Variants in WDR86 observed in about 807,000 individuals in gnomAD.
WDR86 encodes the protein WD repeat-containing protein 86.
WDR86 carries 30 observed loss-of-function variants against 36.5 expected under a neutral mutation model. The observed-to-expected ratio is 0.82, with a 90% CI of 0.61 to 1.11. WDR86 has a LOEUF of 1.11. WDR86 is among the 50% of genes most tolerant of loss of function. The pLI, the probability that WDR86 is intolerant of heterozygous loss-of-function variation, is 0.00. For missense variants in WDR86, 545 were observed against 561.2 expected (o/e 0.97, Z 0.29); for synonymous variants, 255 against 252.9 (o/e 1.01, Z -0.08).
chr7:151,395,228 A>C (rs1444802060), intron 3 of WDR86, among the ~76,000 whole-genome samples: 2 of 152,184 alleles, frequency 1.3e-5, no homozygotes, highest in African/African-American at 4.8e-5. Context: ...GCACAAAGAC[A>C]AACCAGGAAA....
intron 3 of WDR86, among the ~76,000 whole-genome samples, chr7:151,387,514 C>G (rs925517980): frequency 6.6e-6 from 1 of 152,110 alleles, no homozygotes. Context: ...CCCAGGGAGG[C>G]CTGAGCCAAG....
rs1198033807 is a variant in WDR86 at position 151,381,666 on chromosome 7, CG to C, written c.1046del (p.Pro349ArgfsTer103). Reference protein sequence around the residue: ...LWDVRGLRGAPRPPPPMRSLS... With the variant: ...LWDVRGLRGAXRPPPPMRSLS... ...GGCTGCGCATGGGCGGAGGGGGCCGCGGGGCACCTCGGAGCCCGCGCACGTC... is the reference window on the plus strand; with the variant it reads ...GGCTGCGCATGGGCGGAGGGGGCCGCGGGCACCTCGGAGCCCGCGCACGTC... On this transcript the variant is annotated frameshift_variant, in exon 6 of 6. Transcript: ENST00000334493. LOFTEE classifies it high-confidence loss of function. The surrounding 1 kb of genome is among the most constrained non-coding windows in gnomAD (Gnocchi z 4.8). The C allele has an allele frequency of 7.1e-7, 1 of 1,410,476 alleles. No individual in the cohort carries two copies. Among genetic ancestry groups the C allele is most frequent in the Non-Finnish European group, 9.1e-7 (1 of 1,093,232 alleles). 87.4% of individuals were successfully genotyped at this position (1,410,476 alleles called of 1,614,324 possible).
At position 151,401,719 on chromosome 7, in the gene WDR86, G is replaced by C. The variant is rs943930756; in HGVS notation, c.164-1478C>G. Reference sequence around the variant, plus strand: ...ATGTGACGAGGTAAAGACTTTGACTGGGGAGATTATCCTAGATTATCCGGG... The same window carrying C: ...ATGTGACGAGGTAAAGACTTTGACTCGGGAGATTATCCTAGATTATCCGGG... On this transcript the variant is annotated intron_variant, in intron 1 of 5. Transcript: ENST00000334493. The surrounding 1 kb of genome is among the most constrained non-coding windows in gnomAD (Gnocchi z 4.3). Among the ~76,000 whole-genome samples, 1 of 151,978 alleles carries C rather than the reference G, an allele frequency of 6.6e-6. No homozygotes were observed. The highest frequency in any genetic ancestry group is 2.4e-5 in the African/African-American group (1 of 41,398).
chr7:151,386,996 GTGTC>G (rs2150765273), intron 3 of WDR86, among the ~76,000 whole-genome samples: 1 of 152,318 alleles, frequency 6.6e-6, no homozygotes, highest in Admixed American at 6.5e-5. Context: ...CCAGGGCACT[GTGTC>G]TGTGTCCCGG....
downstream of WDR86, chr7:151,377,323 C>A: frequency 3.9e-5 from 30 of 762,034 alleles, no homozygotes; most frequent in Non-Finnish European, 5.0e-5. Flanking sequence ...ATCTGAATTA[C>A]AAGTCCTCTT....
upstream of WDR86, among the ~76,000 whole-genome samples, chr7:151,410,332 G>C (rs1041496323): frequency 2.0e-5 from 3 of 152,178 alleles, no homozygotes; most frequent in South Asian, 4.1e-4. Context: ...ACTCATTTGG[G>C]GCGCAGCTCC....
chr7:151,400,026 A>G, intron 2 of WDR86, 74 bp downstream of exon 2: 1 of 1,384,900 alleles, frequency 7.2e-7, no homozygotes, highest in Non-Finnish European at 9.5e-7. Context: ...GCAGGGGCCC[A>G]TATCTCTGAC....
At chr7:151,399,561 G>A (rs1339509341) in intron 2 of WDR86, among the ~76,000 whole-genome samples, 1 of 152,222 alleles carries the variant, frequency 6.6e-6, no homozygotes, top group Non-Finnish European at 1.5e-5. Flanking sequence ...ATCAGCAAAG[G>A]AATTTCCATT....
At chr7:151,398,059 G>C (rs984940511) in intron 2 of WDR86, among the ~76,000 whole-genome samples, 1 of 152,214 alleles carries the variant, frequency 6.6e-6, no homozygotes, top group Non-Finnish European at 1.5e-5. Flanking sequence ...TATGGGTTTG[G>C]AGCTGTGACC....
Position 151,381,985 on chromosome 7 carries a change from C to G in WDR86, c.863-4G>C, listed in dbSNP as rs759921125. On this transcript the variant is annotated splice_region_variant and splice_polypyrimidine_tract_variant and intron_variant, in intron 4 of 5. Transcript: ENST00000334493. This position sits in a 1 kb window ranked among gnomAD's most constrained non-coding sequence, Gnocchi z 4.8. ...GCGTCCCCGCTGCCCGTGAACACTG[C>G]GGACACACAGCGCGCGCTGGGCCTC... 1 of 1,596,362 alleles carries G rather than the reference C, an allele frequency of 6.3e-7. No homozygotes were observed. The highest frequency in any genetic ancestry group is 1.1e-5 in the South Asian group (1 of 88,670).
At chr7:151,372,316 G>T (rs908371244), downstream of WDR86, among the ~76,000 whole-genome samples, 8 of 152,186 alleles carry the variant, frequency 5.3e-5, no homozygotes, top group Non-Finnish European at 7.3e-5. Flanking sequence ...AGAAAATAAT[G>T]TTCTCACATG....
intron 1 of WDR86, among the ~76,000 whole-genome samples, chr7:151,407,133 T>G (rs768561201): frequency 3.3e-5 from 5 of 152,236 alleles, no homozygotes; most frequent in Middle Eastern, 3.4e-3. Flanking sequence ...GCAAAAACAA[T>G]CCTAGCAAAA....
chr7:151,404,971 T>C (rs565940681), intron 1 of WDR86, among the ~76,000 whole-genome samples: 2 of 152,300 alleles, frequency 1.3e-5, no homozygotes, highest in South Asian at 4.1e-4. Flanking sequence ...GACAACGGAC[T>C]GGACAGCCAC....
intron 4 of WDR86, among the ~76,000 whole-genome samples, chr7:151,382,979 CT>C (rs58266298): frequency 0.02 from 2,882 of 141,086 alleles, 89 homozygotes; most frequent in African/African-American, 0.066. Flanking sequence ...GTTCCCCAGC[CT>C]TTTTTTTTTT....
chr7:151,396,356 C>T (rs1799823863), intron 2 of WDR86, among the ~76,000 whole-genome samples, 160 bp from the exon 3 acceptor site: 1 of 152,222 alleles, frequency 6.6e-6, no homozygotes, highest in Admixed American at 6.5e-5. Context: ...CAAATCGCCC[C>T]CACCTCCAGG....
downstream of WDR86, chr7:151,376,877 C>T: frequency 6.7e-7 from 1 of 1,501,066 alleles, no homozygotes; most frequent in Non-Finnish European, 9.0e-7. Flanking sequence ...CAGATGTGGC[C>T]CTAAGCCACG....
intron 2 of WDR86, among the ~76,000 whole-genome samples, chr7:151,397,161 C>T (rs139311714): frequency 2.0e-3 from 301 of 152,316 alleles, no homozygotes; most frequent in African/African-American, 7.0e-3. Context: ...GCATCCCTGC[C>T]GGGGTGGGAC....
Position 151,388,602 on chromosome 7 carries a change from C to A in WDR86, c.727-3379G>T, listed in dbSNP as rs924490150. Among the ~76,000 whole-genome samples, 1 of 152,222 alleles carries A rather than the reference C, an allele frequency of 6.6e-6. No homozygotes were observed. The highest frequency in any genetic ancestry group is 2.4e-5 in the African/African-American group (1 of 41,448). ...CTCTGTCCCCACCTGGCTTCTGGGACCCCTGAGATCGGTGGCTCAGCCCTG... is the reference window on the plus strand; with the variant it reads ...CTCTGTCCCCACCTGGCTTCTGGGAACCCTGAGATCGGTGGCTCAGCCCTG... On this transcript the variant is annotated intron_variant, in intron 3 of 5. Transcript: ENST00000334493. The surrounding 1 kb of genome is among the most constrained non-coding windows in gnomAD (Gnocchi z 4.2).
rs368147932 is a variant in WDR86, at chr7:151,395,831, C to G, written c.671G>C (p.Ser224Thr). ...CCGGAACACCCGCAGCTGCTCCCCA[C>G]TCAGGATGTCCCAGGCACGGATGGT... ...DATIRAWDILSGEQLRVFREH... is the reference protein window; with the variant it reads ...DATIRAWDILTGEQLRVFREH... The change falls in exon 3 of 6, where the codon AGT (serine) becomes ACT (threonine). Residue 224 changes from serine (S) to threonine (T), a missense_variant. Ser to Thr is a moderately conservative substitution (Grantham distance 58). Coordinates refer to ENST00000334493, the MANE Select transcript of WDR86 (RefSeq NM_198285.3). The G allele has an allele frequency of 7.2e-5, 114 of 1,581,450 alleles. No individual in the cohort carries two copies. The Middle Eastern group carries it at 1.6e-3, about 22-fold the overall frequency.
Sources: allele counts gnomAD v4.1 joint callset (sites outside exome capture counted in the v4.1 genomes callset), GRCh38; gene constraint gnomAD v4.1.1; non-coding constraint Gnocchi (gnomAD v3.1); transcripts MANE v1.5; gene names NCBI Gene and HGNC (gene_info 2026-07-23, HGNC 2026-07-21).